ANKRD27: variants seen among roughly 807,000 people sequenced by gnomAD.
ANKRD27 encodes the protein ankyrin repeat domain 27, also known as ankyrin repeat domain-containing protein 27.
In ANKRD27, 112 loss-of-function variants were observed where a neutral mutation model predicts 129.7. That is an observed-to-expected ratio of 0.86 (90% CI 0.74 to 1.01). ANKRD27 has a LOEUF of 1.01. ANKRD27 is among the 50% of genes least tolerant of loss of function. The pLI is 0.00. For missense variants in ANKRD27, 1,258 were observed against 1,300.5 expected, an observed-to-expected ratio of 0.97 and a Z score of 0.50; for synonymous variants, 516 against 511.2, an observed-to-expected ratio of 1.01 and a Z score of -0.13.
chr19:32,625,767 A>T, intron 17 of ANKRD27, 107 bp downstream of exon 17: 1 of 984,130 alleles, frequency 1.0e-6, no homozygotes. Context: ...TTACACACCC[A>T]ATGTTCCAAT....
chr19:32,619,541 T>C lies in ANKRD27; in HGVS notation c.1840A>G (p.Met614Val). 1.9e-6 allele frequency: 3 copies of C among 1,614,084 alleles called. No homozygotes were observed. The highest frequency in any genetic ancestry group is 2.5e-6 in the Non-Finnish European group (3 of 1,180,014). The change falls in exon 19 of 29, where the codon ATG becomes GTG. Residue 614 changes from methionine to valine, a missense_variant. Coordinates refer to ENST00000306065, the MANE Select transcript of ANKRD27 (RefSeq NM_032139.3). ...TCGAAGGACAGGTGATAGGCTTCCA[T>C]TACAGACAGAATCTAGGGGGACAAG... Reference protein sequence around the residue: ...CALNSKILSVMEAYHLSFERR... With the variant: ...CALNSKILSVVEAYHLSFERR...
At chr19:32,648,727 G>A (rs1313390330) in intron 3 of ANKRD27, among the ~76,000 whole-genome samples, 1 of 151,444 alleles carries the variant, frequency 6.6e-6, no homozygotes, top group East Asian at 1.9e-4. Context: ...GTGAACCTGG[G>A]AGGCGGAGCT....
chr19:32,665,277 C>T (rs1053260967), intron 1 of ANKRD27, among the ~76,000 whole-genome samples: 2 of 145,800 alleles, frequency 1.4e-5, no homozygotes, highest in African/African-American at 2.5e-5. Context: ...TGGACCCGCA[C>T]TAAATTCATG....
intron 4 of ANKRD27, among the ~76,000 whole-genome samples, chr19:32,645,593 C>T (rs1967286986): frequency 6.6e-6 from 1 of 151,722 alleles, no homozygotes; most frequent in Non-Finnish European, 1.5e-5. Context: ...CATGCACCAC[C>T]ATGCCCGGCT....
intron 15 of ANKRD27, among the ~76,000 whole-genome samples, 166 bp from the exon 16 acceptor site, chr19:32,626,993 C>T (rs983010057): frequency 5.9e-5 from 9 of 152,082 alleles, no homozygotes; most frequent in South Asian, 2.1e-4. Context: ...AGTAAGGCTC[C>T]GCAGACTCCA....
intron 24 of ANKRD27, 83 bp downstream of exon 24, chr19:32,605,752 C>T: frequency 1.9e-6 from 3 of 1,557,124 alleles, no homozygotes; most frequent in Non-Finnish European, 1.7e-6. Context: ...TCTCCATCCC[C>T]AGTGCGCTGC....
In ANKRD27 at chr19:32,631,633, T is replaced by C. The variant is rs898302404; in HGVS notation, c.1117-139A>G. The C allele has an allele frequency of 1.2e-4, 86 of 690,268 alleles. No individual in the cohort carries two copies. In the African/African-American group the frequency reaches 1.5e-3, roughly 12 times the overall value. 42.8% of individuals were successfully genotyped at this position (690,268 alleles called of 1,614,324 possible). On this transcript the variant is annotated intron_variant, in intron 12 of 28. Coordinates refer to ENST00000306065, the MANE Select transcript of ANKRD27 (RefSeq NM_032139.3). Reference sequence around the variant, plus strand: ...CCCGTCTCATATGGGACCTGCTCACTGAGACGGAGGACGGGCTGACGTCAG... The same window carrying C: ...CCCGTCTCATATGGGACCTGCTCACCGAGACGGAGGACGGGCTGACGTCAG...
In ANKRD27 at chr19:32,604,336, A is replaced by G. The variant is rs1290517730; in HGVS notation, c.2582T>C (p.Leu861Pro). ...AACTGACGCTCCGTGGAGCAGAAGC[A>G]GCTCTACCACGAAGACGTGCTTTTC... ...VIEKHVFVVE[L>P]LLLHGASVQV... The change falls in exon 25 of 29, where the codon CTG becomes CCG. Residue 861 changes from leucine (L) to proline (P), a missense_variant. Leu to Pro is a moderately conservative substitution (Grantham distance 98). Coordinates refer to ENST00000306065, the MANE Select transcript of ANKRD27 (RefSeq NM_032139.3). The G allele has an allele frequency of 1.2e-6, 2 of 1,614,166 alleles. No individual in the cohort carries two copies. Among genetic ancestry groups the G allele is most frequent in the South Asian group, 1.1e-5 (1 of 91,088 alleles).
At chr19:32,653,560 T>C (rs1967461211) in intron 2 of ANKRD27, among the ~76,000 whole-genome samples, 1 of 151,842 alleles carries the variant, frequency 6.6e-6, no homozygotes, top group Admixed American at 6.6e-5. Context: ...AGCAGTGGGG[T>C]TGTCACAGGC....
In ANKRD27 at chr19:32,619,260, C is replaced by T. The variant is rs1971969860; in HGVS notation, c.2007G>A (p.Glu669=). 3.7e-6 allele frequency: 6 copies of T among 1,611,950 alleles called. 1 individual carries two copies. In the South Asian group the frequency reaches 6.6e-5, roughly 18 times the overall value. The change falls in exon 20 of 29, where the codon GAG becomes GAA. Residue 669 remains glutamate (E), a splice_region_variant and synonymous_variant. Transcript: ENST00000306065. ...RQEETKKDYR[E]VEKLLRAVAD... ...CCAGCCCTTCCTCTGGAAGCCTCACCTCTCTGTAGTCCTTCTTGGTCTCCT... is the reference window on the plus strand; with the variant it reads ...CCAGCCCTTCCTCTGGAAGCCTCACTTCTCTGTAGTCCTTCTTGGTCTCCT...
In ANKRD27 at chr19:32,622,565, T is replaced by G. The variant is rs1232357974; in HGVS notation, c.1684A>C (p.Asn562His). ...TGTAGAGGGGTGTCTCCTTTCTCAT[T>G]GCCAATGTCAAGTCTGCACGACTCC... ...DVESCRLDIGNEKGDTPLHIA... is the reference protein window; with the variant it reads ...DVESCRLDIGHEKGDTPLHIA... The change falls in exon 18 of 29, where the codon AAT becomes CAT. Residue 562 changes from asparagine to histidine, a missense_variant. Asn to His is a moderately conservative substitution (Grantham distance 68). Transcript: ENST00000306065. 6.2e-7 allele frequency: 1 copy of G among 1,613,986 alleles called. No homozygotes were observed. Among genetic ancestry groups the G allele is most frequent in the African/African-American group, 1.3e-5 (1 of 74,972 alleles).
chr19:32,601,920 C>G lies in ANKRD27; in HGVS notation c.2767+95G>C, dbSNP rs899934453. 9.3e-6 allele frequency: 7 copies of G among 755,028 alleles called. No homozygotes were observed. In the African/African-American group the frequency reaches 1.1e-4, roughly 11 times the overall value. The allele number at this position is 755,028 out of a possible 1,614,324, so 46.8% of individuals were successfully genotyped here. A position where few individuals can be genotyped will look rare whatever the true frequency, so the allele number is the denominator to read the frequency against. On this transcript the variant is annotated intron_variant, in intron 26 of 28. Coordinates refer to ENST00000306065, the MANE Select transcript of ANKRD27 (RefSeq NM_032139.3). ...TCTCCTCCAGGCATGATTATAATTACACTTTACATATACAATTAAATGAAC... is the reference window on the plus strand; with the variant it reads ...TCTCCTCCAGGCATGATTATAATTAGACTTTACATATACAATTAAATGAAC...
rs565531625 is a variant in ANKRD27 at position 32,658,396 on chromosome 19, C to A, written c.102+518G>T. Among the ~76,000 whole-genome samples, 15 of 151,898 alleles carry A rather than the reference C, an allele frequency of 9.9e-5. No homozygotes were observed. The East Asian group carries it at 2.7e-3, about 27-fold the overall frequency. ...GCTTCTCATTCCTGTTACCTGGCTG[C>A]CCCTGAAGGCTTCTGAGGTTGTGGC... is the stretch of plus-strand genomic sequence containing the variant. On this transcript the variant is annotated intron_variant, in intron 2 of 28. Transcript: ENST00000306065.
chr19:32,674,564 T>C (rs957066386), intron 1 of ANKRD27, among the ~76,000 whole-genome samples: 39 of 78,116 alleles, frequency 5.0e-4, no homozygotes, highest in African/African-American at 1.8e-3. Flanking sequence ...CCTGTGGGAA[T>C]GCAGAGACCC....
intron 2 of ANKRD27, among the ~76,000 whole-genome samples, chr19:32,650,364 C>T (rs1967389640): frequency 6.6e-6 from 1 of 152,116 alleles, no homozygotes; most frequent in Admixed American, 6.6e-5. Context: ...CCAGCCTGGC[C>T]AACATGGCAA....
chr19:32,611,504 T>A (rs77451283), intron 22 of ANKRD27, among the ~76,000 whole-genome samples: 3 of 152,226 alleles, frequency 2.0e-5, no homozygotes, highest in African/African-American at 7.2e-5. Context: ...TCACCCACGC[T>A]GAAGTTCTTT....
intron 1 of ANKRD27, among the ~76,000 whole-genome samples, chr19:32,667,993 T>C (rs1345440965): frequency 1.3e-5 from 2 of 152,240 alleles, no homozygotes; most frequent in East Asian, 3.8e-4. Flanking sequence ...TCTCTCACTA[T>C]GTAACAGGGA....
Position 32,640,480 on chromosome 19 carries a change from C to T in ANKRD27, c.905-95G>A, listed in dbSNP as rs886082990. 5.2e-5 allele frequency: 52 copies of T among 994,864 alleles called. No homozygotes were observed. In the Middle Eastern group the frequency reaches 8.4e-4, roughly 16 times the overall value. The allele number at this position is 994,864 out of a possible 1,614,324, so 61.6% of individuals were successfully genotyped here. On this transcript the variant is annotated intron_variant, in intron 10 of 28. Coordinates refer to ENST00000306065, the MANE Select transcript of ANKRD27 (RefSeq NM_032139.3). Reference sequence around the variant, plus strand: ...TACCACCGCACACCTTGTGAAACCACGTATCAGGGAGATCATACACTGGGG... The same window carrying T: ...TACCACCGCACACCTTGTGAAACCATGTATCAGGGAGATCATACACTGGGG...
At chr19:32,665,380 C>A (rs1041957731) in intron 1 of ANKRD27, among the ~76,000 whole-genome samples, 1 of 151,768 alleles carries the variant, frequency 6.6e-6, no homozygotes. Flanking sequence ...ACCTTTGCCT[C>A]CCGGGTTCAA....
Sources: gnomAD v4.1 joint callset for allele counts (sites outside exome capture counted in the v4.1 genomes callset) on GRCh38, gnomAD v4.1.1 for gene constraint, MANE v1.5 for transcripts, NCBI Gene and HGNC (gene_info 2026-07-23, HGNC 2026-07-21) for gene names.